The following ERCC2 variants were observed in gnomAD, a reference collection of about 807,000 sequenced individuals.
The protein encoded by ERCC2 is ERCC excision repair 2, TFIIH core complex helicase subunit.
A neutral mutation model predicts 99.4 loss-of-function variants in ERCC2; 90 were observed. The observed-to-expected ratio is 0.91, with a 90% CI of 0.76 to 1.08. ERCC2 has a LOEUF of 1.08. Among genes scored for constraint, ERCC2 ranks in the 50% least tolerant of loss-of-function variants. The pLI is 0.00. For missense variants in ERCC2, 993 were observed against 1,038.1 expected (o/e 0.96, Z 0.60); for synonymous variants, 497 against 432.4 (o/e 1.15, Z -1.85).
At chr19:45,362,884 G>A (rs564996383) in intron 11 of ERCC2, among the ~76,000 whole-genome samples, 3 of 152,332 alleles carry the variant, frequency 2.0e-5, no homozygotes, top group Non-Finnish European at 2.9e-5. Flanking sequence ...GTGTGGCTCT[G>A]GGCAAAGGCT....
rs367610871 is a variant in ERCC2 at position 45,350,588 on chromosome 19, G to T, written c.*1041C>A. ...CTGTGCTTCGGCTCCTGGGGTGGGC[G>T]TGGGGACTGCATGGGCCTGGGGGAC... On this transcript the variant is annotated 3_prime_UTR_variant, in exon 23 of 23. Transcript: ENST00000391945. 1.9e-6 allele frequency: 3 copies of T among 1,613,832 alleles called. No individual in the cohort carries two copies. The highest frequency in any genetic ancestry group is 2.5e-6 in the Non-Finnish European group (3 of 1,179,856).
intron 18 of ERCC2, 26 bp from the exon 19 acceptor site, chr19:45,353,181 G>C: frequency 6.2e-7 from 1 of 1,613,618 alleles, no homozygotes; most frequent in Non-Finnish European, 8.5e-7. Flanking sequence ...CGAGACGCAA[G>C]TTAGGTCACT....
chr19:45,367,398 C>T (rs1017455136), intron 5 of ERCC2, among the ~76,000 whole-genome samples: 2 of 146,676 alleles, frequency 1.4e-5, no homozygotes, highest in Non-Finnish European at 1.5e-5. Context: ...CACACACACA[C>T]ACATATAAAA....
At chr19:45,360,194 C>G (rs1972167352) in intron 12 of ERCC2, among the ~76,000 whole-genome samples, 1 of 151,284 alleles carries the variant, frequency 6.6e-6, no homozygotes, top group Non-Finnish European at 1.5e-5. Flanking sequence ...CATTCTCCTG[C>G]CTCAGCCTCC....
At chr19:45,351,843 A>AGAT (rs1374056719) in intron 22 of ERCC2, 122 bp from the exon 23 acceptor site, 1 of 861,010 alleles carries the variant, frequency 1.2e-6, no homozygotes, top group African/African-American at 1.7e-5. Flanking sequence ...ATGAATTTGG[A>AGAT]GATGTCCGTA....
chr19:45,353,292 CA>C lies in ERCC2; in HGVS notation c.1707del (p.Ile569MetfsTer140), dbSNP rs767672172. 2 of 1,614,010 alleles carry C rather than the reference CA, an allele frequency of 1.2e-6. No individual in the cohort carries two copies. The highest frequency in any genetic ancestry group is 1.7e-6 in the Non-Finnish European group (2 of 1,179,980). On this transcript the variant is annotated frameshift_variant, in exon 18 of 23. Coordinates refer to ENST00000391945, the MANE Select transcript of ERCC2 (RefSeq NM_000400.4). LOFTEE classifies it high-confidence loss of function. ...CTGGTTTCGGCACCATCCTGGGTCT[CA>C]ATAAAGAGCAGCTTGTTCCTCTGGA... Reference protein sequence around the residue: ...ENIQRNKLLFIETQDGAETSV... With the variant: ...ENIQRNKLLFXETQDGAETSV...
Position 45,351,026 on chromosome 19 carries a change from G to C in ERCC2, c.*603C>G. The C allele has an allele frequency of 6.2e-7, 1 of 1,614,110 alleles. No individual in the cohort carries two copies. ...GGGCTCCTGGGACTCAGGTGAGGGG[G>C]ACATCTGGGTCAAAAATAGAGGAGG... is the stretch of plus-strand genomic sequence containing the variant. On this transcript the variant is annotated 3_prime_UTR_variant, in exon 23 of 23. Transcript: ENST00000391945.
chr19:45,353,771 T>C (rs1971914964), intron 17 of ERCC2, among the ~76,000 whole-genome samples: 1 of 152,138 alleles, frequency 6.6e-6, no homozygotes, highest in African/African-American at 2.4e-5. Context: ...GGGAGAGCTT[T>C]TACTGGAGCA....
rs238419 is a variant in ERCC2, at chr19:45,350,155, T to C, written c.*1474A>G. Reference sequence around the variant, plus strand: ...TAGAAAGTGGGGCCAGACGTGGTGGTTCACGCTTGTAACCCCAACACTTTG... The same window carrying C: ...TAGAAAGTGGGGCCAGACGTGGTGGCTCACGCTTGTAACCCCAACACTTTG... On this transcript the variant is annotated 3_prime_UTR_variant, in exon 23 of 23. Coordinates refer to ENST00000391945, the MANE Select transcript of ERCC2 (RefSeq NM_000400.4). 390,303 of 595,426 alleles carry C rather than the reference T, an allele frequency of 0.66. 130,485 individuals are homozygous for C. The highest frequency in any genetic ancestry group is 0.9 in the African/African-American group (48,535 of 53,766). 36.9% of individuals were successfully genotyped at this position (595,426 alleles called of 1,614,324 possible). A position where few individuals can be genotyped will look rare whatever the true frequency, so the allele number is the denominator to read the frequency against.
At chr19:45,358,748 A>G in intron 12 of ERCC2, 2 of 743,214 alleles carry the variant, frequency 2.7e-6, no homozygotes, top group Non-Finnish European at 5.0e-6. Context: ...ATATTCCAAC[A>G]CAACAATGTA....
intron 12 of ERCC2, chr19:45,358,529 C>G (rs1972093281): frequency 2.6e-6 from 1 of 383,250 alleles, no homozygotes; most frequent in South Asian, 2.8e-5. Flanking sequence ...CCTCCCCGCC[C>G]CAAGAAGCCT....
At chr19:45,370,489 G>GC (rs1972571555) in intron 1 of ERCC2, 47 bp downstream of exon 1, 1 of 1,389,480 alleles carries the variant, frequency 7.2e-7, no homozygotes, top group South Asian at 1.3e-5. Context: ...CCATCTTCAA[G>GC]ACCCCCCGCG....
chr19:45,357,926 A>C, intron 12 of ERCC2: 1 of 602,124 alleles, frequency 1.7e-6, no homozygotes, highest in Non-Finnish European at 3.0e-6. Context: ...ACTTTCACGA[A>C]GGATCCCAAG....
intron 12 of ERCC2, among the ~76,000 whole-genome samples, chr19:45,359,486 C>A (rs978247724): frequency 4.6e-5 from 7 of 152,200 alleles, no homozygotes; most frequent in Admixed American, 3.9e-4. Flanking sequence ...AGACTGAGCC[C>A]CTGGTCAGCT....
At chr19:45,353,869 C>T (rs533590621) in intron 17 of ERCC2, among the ~76,000 whole-genome samples, 2 of 152,288 alleles carry the variant, frequency 1.3e-5, no homozygotes, top group African/African-American at 2.4e-5. Context: ...CCTCATAGAC[C>T]TGGATGTGAA....
At chr19:45,358,703 G>A (rs755382690) in intron 12 of ERCC2, 17 of 680,818 alleles carry the variant, frequency 2.5e-5, no homozygotes, top group African/African-American at 5.3e-5. Flanking sequence ...CAGCCCCTCC[G>A]AGAGGCCCTC....
intron 12 of ERCC2, among the ~76,000 whole-genome samples, chr19:45,360,381 C>CTTT (rs57458623): frequency 7.4e-6 from 1 of 134,572 alleles, no homozygotes; most frequent in Non-Finnish European, 1.6e-5. Context: ...CACGCCCGGC[C>CTTT]TTTTTTTTTT....
At position 45,363,849 on chromosome 19, in the gene ERCC2, C is replaced by T; in HGVS notation, c.1012G>A (p.Glu338Lys). 6.5e-7 allele frequency: 1 copy of T among 1,549,388 alleles called. No individual in the cohort carries two copies. The change falls in exon 11 of 23, where the codon GAG becomes AAG. Residue 338 changes from glutamate (E) to lysine (K), a missense_variant. By Grantham distance (56) the Glu-to-Lys change is moderately conservative (BLOSUM62 1). Around this residue, in one of 3 missense-constraint regions of ERCC2, gnomAD observed 909 missense variants for 930.8 expected, o/e 0.98. Transcript: ENST00000391945. ...ACACGCAGCCGCCACTTCACGTACTCCAGCAGCCGCCTCAGGAAGCCCAGG... is the reference window on the plus strand; with the variant it reads ...ACACGCAGCCGCCACTTCACGTACTTCAGCAGCCGCCTCAGGAAGCCCAGG... ...HFLGFLRRLL[E>K]YVKWRLRVQH...
chr19:45,354,997 T>C lies in ERCC2; in HGVS notation c.1544-146A>G, dbSNP rs1971964140. On this transcript the variant is annotated intron_variant, in intron 16 of 22. Transcript: ENST00000391945. ...CCCTCCTCCTCCTCCCGGGCGTGTC[T>C]GAGGACCCGCCTTGCCACTTCCTGA... 3.9e-6 allele frequency: 4 copies of C among 1,016,268 alleles called. No homozygotes were observed. The East Asian group carries it at 7.5e-5, about 19-fold the overall frequency. The allele number at this position is 1,016,268 out of a possible 1,614,324, so 63.0% of individuals were successfully genotyped here. A position where few individuals can be genotyped will look rare whatever the true frequency, so the allele number is the denominator to read the frequency against.
Sources: gnomAD v4.1 joint callset for allele counts (sites outside exome capture counted in the v4.1 genomes callset) on GRCh38, gnomAD v4.1.1 for gene constraint, gnomAD v4.1.1 regional missense constraint, MANE v1.5 for transcripts, NCBI Gene and HGNC (gene_info 2026-07-23, HGNC 2026-07-21) for gene names.